OPALIN: variants seen among roughly 807,000 people sequenced by gnomAD.
OPALIN encodes the protein transmembrane protein 10.
In OPALIN, 15 loss-of-function variants were observed where a neutral mutation model predicts 17.8. The ratio of observed to expected loss-of-function variants is 0.84; its 90% confidence interval spans 0.56 to 1.29. The LOEUF (loss-of-function observed/expected upper bound fraction) is 1.29, where lower values mean the gene tolerates loss of function less well. Ranked by LOEUF, OPALIN falls within the 50% of genes most tolerant of loss-of-function variation. The pLI is 0.00. For synonymous variants in OPALIN, 62 were observed against 63.8 expected (o/e 0.97, Z 0.14); for missense variants, 170 against 176.0 (o/e 0.97, Z 0.19).
chr10:96,358,987 G>T lies in OPALIN; in HGVS notation c.-91C>A. The T allele has an allele frequency of 6.8e-7, 1 of 1,472,826 alleles. No homozygotes were observed. The highest frequency in any genetic ancestry group is 9.5e-7 in the Non-Finnish European group (1 of 1,051,962). The allele number at this position is 1,472,826 out of a possible 1,614,324, so 91.2% of individuals were successfully genotyped here. A position where few individuals can be genotyped will look rare whatever the true frequency, so the allele number is the denominator to read the frequency against. ...TATTGGCTTGTGTCTTTCATTTGTA[G>T]GAACAGTTAACTGACAAAGCTGCAG... On this transcript the variant is annotated 5_prime_UTR_variant, in exon 1 of 6. Transcript: ENST00000371172.
intron 5 of OPALIN, among the ~76,000 whole-genome samples, chr10:96,347,762 T>G (rs1221977041): frequency 6.6e-6 from 1 of 152,206 alleles, no homozygotes; most frequent in African/African-American, 2.4e-5. Context: ...CGTGAGCCAC[T>G]GCACCGGACC....
intron 2 of OPALIN, among the ~76,000 whole-genome samples, chr10:96,352,385 C>A (rs1350728607): frequency 6.6e-6 from 1 of 151,932 alleles, no homozygotes; most frequent in Non-Finnish European, 1.5e-5. Context: ...TGGGGCTTGT[C>A]CAAGGTTTCA....
At chr10:96,352,024 A>G (rs566455648) in intron 2 of OPALIN, among the ~76,000 whole-genome samples, 1 of 152,168 alleles carries the variant, frequency 6.6e-6, no homozygotes, top group Non-Finnish European at 1.5e-5. Context: ...AACTATGTAA[A>G]CTACACTAAG....
chr10:96,358,976 T>G lies in OPALIN; in HGVS notation c.-80A>C, dbSNP rs1845919049. 6.6e-7 allele frequency: 1 copy of G among 1,520,462 alleles called. No homozygotes were observed. The highest frequency in any genetic ancestry group is 1.4e-5 in the African/African-American group (1 of 73,130). The allele number at this position is 1,520,462 out of a possible 1,614,324, so 94.2% of individuals were successfully genotyped here. A position where few individuals can be genotyped will look rare whatever the true frequency, so the allele number is the denominator to read the frequency against. On this transcript the variant is annotated 5_prime_UTR_variant, in exon 1 of 6. Transcript: ENST00000371172. ...CTCACTGGCTTTATTGGCTTGTGTC[T>G]TTCATTTGTAGGAACAGTTAACTGA...
chr10:96,358,198 A>AAAAAT (rs1845889836), intron 1 of OPALIN, among the ~76,000 whole-genome samples: 1 of 137,966 alleles, frequency 7.2e-6, no homozygotes, highest in Non-Finnish European at 1.5e-5. Flanking sequence ...AAAAAAAAAA[A>AAAAAT]AAAAAAAAAA....
intron 3 of OPALIN, 79 bp from the exon 4 acceptor site, chr10:96,349,905 A>G: frequency 1.4e-6 from 2 of 1,427,464 alleles, no homozygotes; most frequent in Non-Finnish European, 1.9e-6. Flanking sequence ...TAGAATAAAA[A>G]TAAAACAAAA....
intron 1 of OPALIN, chr10:96,356,900 T>C: frequency 1.0e-6 from 1 of 985,368 alleles, no homozygotes. Context: ...TACTTAGCTG[T>C]CACCAGAACC....
intron 5 of OPALIN, among the ~76,000 whole-genome samples, chr10:96,347,997 CTGT>C (rs1845410722): frequency 6.6e-6 from 1 of 152,194 alleles, no homozygotes; most frequent in Admixed American, 6.5e-5. Context: ...GTTCATATCA[CTGT>C]TAAGTTTTTT....
intron 2 of OPALIN, chr10:96,353,501 A>G (rs748297341): frequency 1.4e-6 from 2 of 1,406,930 alleles, no homozygotes; most frequent in Admixed American, 3.3e-5. Context: ...AACAGACAAC[A>G]CCAGGCAAAG....
rs1298860661 is a variant in OPALIN, at chr10:96,345,005, T to C, written c.*936A>G. On this transcript the variant is annotated 3_prime_UTR_variant, in exon 6 of 6. Transcript: ENST00000371172. ...TATGAGGACACGATCACACCTAGATTGGAAGATTCACATACTACCAGCAAC... is the reference window on the plus strand; with the variant it reads ...TATGAGGACACGATCACACCTAGATCGGAAGATTCACATACTACCAGCAAC... 6.6e-6 allele frequency: 1 copy of C among 152,170 alleles called. No individual in the cohort carries two copies. Among genetic ancestry groups the C allele is most frequent in the African/African-American group, 2.4e-5 (1 of 41,442 alleles). The allele number at this position is 152,170 out of a possible 1,614,324, so 9.4% of individuals were successfully genotyped here.
rs867579905 is a variant in OPALIN, at chr10:96,353,791, A to G, written c.39+1464T>C. Among the ~76,000 whole-genome samples the G allele has an allele frequency of 1.6e-4, 25 of 152,304 alleles. No homozygotes were observed. In the Middle Eastern group the frequency reaches 0.014, roughly 83 times the overall value. On this transcript the variant is annotated intron_variant, in intron 2 of 5. Transcript: ENST00000371172. Reference sequence around the variant, plus strand: ...GCAGTGATTGAAGGAAAAGGTTTTGACAGGAAAAAGAGGAAGAATTAGGGA... The same window carrying G: ...GCAGTGATTGAAGGAAAAGGTTTTGGCAGGAAAAAGAGGAAGAATTAGGGA...
intron 5 of OPALIN, among the ~76,000 whole-genome samples, chr10:96,347,517 G>A (rs1845386081): frequency 6.6e-6 from 1 of 151,780 alleles, no homozygotes. Flanking sequence ...TTGTCACCCG[G>A]CTGGAGTGCA....
Position 96,355,096 on chromosome 10 carries a change from C to CAAAAA in OPALIN, c.39+154_39+158dup, listed in dbSNP as rs56995726. 2.4e-4 allele frequency among the ~76,000 whole-genome samples: 11 copies of CAAAAA among 45,208 alleles called. 1 individual carries two copies. Among genetic ancestry groups the CAAAAA allele is most frequent in the African/African-American group, 1.0e-3 (11 of 10,758 alleles). 29.7% of individuals were successfully genotyped at this position (45,208 alleles called of 152,430 possible). ...TGGGTGACAGAGCAAGACCTTGTCT[C>CAAAAA]AAAAAAAAAAAAAAAAAAAAAAAAA... On this transcript the variant is annotated intron_variant, in intron 2 of 5. Transcript: ENST00000371172.
In OPALIN at chr10:96,348,413, C is replaced by T. The variant is rs141570706; in HGVS notation, c.193-68G>A. Reference sequence around the variant, plus strand: ...GAAGTGAAGGGTTATAGCATTTGACCGTAACTATGATTAAAATCAGTGCTT... The same window carrying T: ...GAAGTGAAGGGTTATAGCATTTGACTGTAACTATGATTAAAATCAGTGCTT... On this transcript the variant is annotated intron_variant, in intron 4 of 5. Coordinates refer to ENST00000371172, the MANE Select transcript of OPALIN (RefSeq NM_033207.5). 2.7e-3 allele frequency: 1,998 copies of T among 739,056 alleles called. 19 individuals are homozygous for T. The African/African-American group carries it at 0.027, about 10-fold the overall frequency. The allele number at this position is 739,056 out of a possible 1,614,324, so 45.8% of individuals were successfully genotyped here. A position where few individuals can be genotyped will look rare whatever the true frequency, so the allele number is the denominator to read the frequency against.
intron 1 of OPALIN, among the ~76,000 whole-genome samples, 199 bp from the exon 2 acceptor site, chr10:96,355,489 C>A (rs1469498765): frequency 1.3e-5 from 2 of 152,096 alleles, no homozygotes; most frequent in Non-Finnish European, 2.9e-5. Flanking sequence ...CCTCCCTCAG[C>A]ATCAAGTCAG....
At chr10:96,351,733 C>T (rs1320396419) in intron 2 of OPALIN, among the ~76,000 whole-genome samples, 1 of 152,226 alleles carries the variant, frequency 6.6e-6, no homozygotes, top group East Asian at 1.9e-4. Flanking sequence ...TTTGGGCCTA[C>T]TTGTCCCCAT....
At position 96,349,729 on chromosome 10, in the gene OPALIN, C is replaced by G; in HGVS notation, c.170G>C (p.Arg57Thr). Reference sequence around the variant, plus strand: ...CACCTCCATGGCCTCAATGCTGCTTCTTCTTCGGTGAATCAAAGTAAATAG... The same window carrying G: ...CACCTCCATGGCCTCAATGCTGCTTGTTCTTCGGTGAATCAAAGTAAATAG... ...ALLFTLIHRRRSSIEAMEESD... is the reference protein window; with the variant it reads ...ALLFTLIHRRTSSIEAMEESD... The change falls in exon 4 of 6, where the codon AGA (arginine) becomes ACA (threonine). Residue 57 changes from arginine (R) to threonine (T), a missense_variant. Transcript: ENST00000371172. 1 of 1,614,020 alleles carries G rather than the reference C, an allele frequency of 6.2e-7. No homozygotes were observed. Among genetic ancestry groups the G allele is most frequent in the Non-Finnish European group, 8.5e-7 (1 of 1,179,942 alleles).
At chr10:96,355,395 C>G (rs1845778001) in intron 1 of OPALIN, 105 bp from the exon 2 acceptor site, 1 of 1,000,488 alleles carries the variant, frequency 1.0e-6, no homozygotes. Context: ...GGTCATTGAT[C>G]CTATAGACTC....
At chr10:96,355,166 G>T in intron 2 of OPALIN, 89 bp downstream of exon 2, 1 of 672,086 alleles carries the variant, frequency 1.5e-6, no homozygotes. Context: ...CACCGTGTGT[G>T]AGGGGTTTAT....
Sources: gnomAD v4.1 joint callset for allele counts (sites outside exome capture counted in the v4.1 genomes callset) on GRCh38, gnomAD v4.1.1 for gene constraint, MANE v1.5 for transcripts, NCBI Gene and HGNC (gene_info 2026-07-23, HGNC 2026-07-21) for gene names.